Variants in OPCML observed in about 807,000 individuals in gnomAD.
The protein encoded by OPCML is opioid binding protein/cell adhesion molecule like.
Under a neutral mutation model 37.8 loss-of-function variants are expected in OPCML, and 13 were observed. The ratio of observed to expected loss-of-function variants is 0.34; its 90% CI spans 0.22 to 0.55. The LOEUF is 0.55. OPCML is among the 20% of genes least tolerant of loss of function. The probability of loss-of-function intolerance (pLI) is 0.91; values close to 1 mark genes in which losing one functional copy is unlikely to be tolerated. For synonymous variants in OPCML, 176 were observed against 168.8 expected (o/e 1.04, Z -0.33); for missense variants, 341 against 435.6 (o/e 0.78, Z 1.93).
Position 133,141,038 on chromosome 11 carries a change from ACG to A in OPCML, c.62-198030_62-198029del, listed in dbSNP as rs1565469140. ...GACGACGACGACGACGACGACGACG[ACG>A]ACGACGACGAAGAAGAAGAAGAAGA... On this transcript the variant is annotated intron_variant, in intron 1 of 7. Transcript: ENST00000524381. Among the ~76,000 whole-genome samples, 9 of 29,298 alleles carry A rather than the reference ACG, an allele frequency of 3.1e-4. 2 individuals carry two copies. Among genetic ancestry groups the A allele is most frequent in the Non-Finnish European group, 4.6e-4 (4 of 8,674 alleles). The allele number at this position is 29,298 out of a possible 152,430, so 19.2% of individuals were successfully genotyped here.
intron 2 of OPCML, among the ~76,000 whole-genome samples, chr11:132,672,317 T>A (rs1182126545): frequency 2.0e-5 from 3 of 152,172 alleles, no homozygotes; most frequent in Non-Finnish European, 4.4e-5. Context: ...AAAGAAATAC[T>A]TACATGTGCT....
At chr11:132,607,117 C>A (rs2137818087) in intron 3 of OPCML, among the ~76,000 whole-genome samples, 1 of 152,282 alleles carries the variant, frequency 6.6e-6, no homozygotes, top group East Asian at 1.9e-4. Flanking sequence ...CTTGAGTCAC[C>A]AGTAGGTGCC....
intron 4 of OPCML, among the ~76,000 whole-genome samples, chr11:132,451,818 A>C (rs933983636): frequency 2.0e-5 from 3 of 152,196 alleles, no homozygotes; most frequent in Non-Finnish European, 2.9e-5. Context: ...GTGTTCCATC[A>C]ATGTGCTGCA....
At chr11:133,450,898 T>C (rs1322071293) in intron 1 of OPCML, among the ~76,000 whole-genome samples, 2 of 151,756 alleles carry the variant, frequency 1.3e-5, no homozygotes, top group African/African-American at 2.4e-5. Flanking sequence ...GAATAGACAG[T>C]GTACATTCTG....
At chr11:132,525,687 T>C (rs1213275079) in intron 4 of OPCML, 1 of 143,140 alleles carries the variant, frequency 7.0e-6, no homozygotes, top group Non-Finnish European at 1.6e-5. Flanking sequence ...AAATACTTCA[T>C]GTTCCAGAGC....
intron 1 of OPCML, among the ~76,000 whole-genome samples, chr11:133,385,407 A>G (rs990284096): frequency 6.6e-6 from 1 of 152,224 alleles, no homozygotes; most frequent in Non-Finnish European, 1.5e-5. Flanking sequence ...AGCAAGGAAT[A>G]ACTAATGTAT....
At chr11:133,244,665 T>C (rs2136419057) in intron 1 of OPCML, among the ~76,000 whole-genome samples, 1 of 149,500 alleles carries the variant, frequency 6.7e-6, no homozygotes, top group Non-Finnish European at 1.5e-5. Flanking sequence ...GATCTGACAA[T>C]TTAAATGTGT....
At chr11:132,966,790 T>C (rs557492721) in intron 1 of OPCML, among the ~76,000 whole-genome samples, 38 of 152,142 alleles carry the variant, frequency 2.5e-4, no homozygotes, top group Non-Finnish European at 4.7e-4. Context: ...GACCCTTTTA[T>C]CATAGTAAAA....
intron 1 of OPCML, among the ~76,000 whole-genome samples, chr11:133,110,019 C>CT (rs973661117): frequency 2.6e-4 from 39 of 152,150 alleles, no homozygotes; most frequent in African/African-American, 8.9e-4. Context: ...TTCGACAGGA[C>CT]TTGGGTGAAG....
chr11:132,772,732 A>T (rs1946680065), intron 2 of OPCML: 4 of 152,302 alleles, frequency 2.6e-5, no homozygotes, highest in African/African-American at 9.6e-5. Flanking sequence ...TTTTCCAGAA[A>T]ATGACTCCAC....
chr11:133,429,061 C>T (rs1473852784), intron 1 of OPCML, among the ~76,000 whole-genome samples: 1 of 152,032 alleles, frequency 6.6e-6, no homozygotes, highest in African/African-American at 2.4e-5. Flanking sequence ...ATAAGAGTAA[C>T]ATAGTGGGTA....
intron 1 of OPCML, among the ~76,000 whole-genome samples, chr11:133,164,046 C>G (rs1950177912): frequency 6.6e-6 from 1 of 152,322 alleles, no homozygotes; most frequent in Non-Finnish European, 1.5e-5. Context: ...GCCATTCTGC[C>G]TATTTCACAA....
At chr11:133,235,796 G>A (rs779415280) in intron 1 of OPCML, among the ~76,000 whole-genome samples, 1 of 152,164 alleles carries the variant, frequency 6.6e-6, no homozygotes, top group African/African-American at 2.4e-5. Context: ...CAACAAATGG[G>A]TGGGGAGTCA....
chr11:133,080,732 A>G (rs1463277637), intron 1 of OPCML, among the ~76,000 whole-genome samples: 2 of 152,128 alleles, frequency 1.3e-5, no homozygotes, highest in African/African-American at 4.8e-5. Context: ...AATCAGTATA[A>G]AAGCTCTTGT....
At chr11:132,746,721 C>A (rs930500737) in intron 2 of OPCML, among the ~76,000 whole-genome samples, 7 of 152,168 alleles carry the variant, frequency 4.6e-5, no homozygotes, top group Non-Finnish European at 8.8e-5. Context: ...GATTTCATAA[C>A]GTAGCATCAC....
intron 1 of OPCML, among the ~76,000 whole-genome samples, chr11:132,955,946 C>T (rs1046958484): frequency 6.6e-6 from 1 of 152,142 alleles, no homozygotes; most frequent in Non-Finnish European, 1.5e-5. Context: ...TGCTGTATTA[C>T]CAGCACCCAG....
Position 133,480,952 on chromosome 11 carries a change from T to C in OPCML, c.61+51312A>G, listed in dbSNP as rs550308202. Among the ~76,000 whole-genome samples the C allele has an allele frequency of 2.0e-3, 306 of 152,344 alleles. 1 individual carries two copies. Among genetic ancestry groups the C allele is most frequent in the African/African-American group, 7.2e-3 (299 of 41,576 alleles). On this transcript the variant is annotated intron_variant, in intron 1 of 7. Transcript: ENST00000524381. Reference sequence around the variant, plus strand: ...CATGCTGGAATTATTTTCCACTTAATTACATGCCATGGCACCAAGAATGCA... The same window carrying C: ...CATGCTGGAATTATTTTCCACTTAACTACATGCCATGGCACCAAGAATGCA...
intron 2 of OPCML, among the ~76,000 whole-genome samples, chr11:132,688,168 G>GTT (rs113318678): frequency 6.9e-6 from 1 of 144,828 alleles, no homozygotes; most frequent in South Asian, 2.2e-4. Context: ...AGGAATCATG[G>GTT]TTTTTTTTTT....
rs1246411710 is a variant in OPCML, at chr11:133,173,375, G to A, written c.62-230365C>T. Among the ~76,000 whole-genome samples the A allele has an allele frequency of 6.6e-6, 1 of 152,138 alleles. No individual in the cohort carries two copies. Among genetic ancestry groups the A allele is most frequent in the Non-Finnish European group, 1.5e-5 (1 of 68,032 alleles). ...GTCTGAGACTCATAGAGAGGGTATC[G>A]ATAGGAGTACAGATCCCAGTATGTT... On this transcript the variant is annotated intron_variant, in intron 1 of 7. Coordinates refer to ENST00000524381, the MANE Select transcript of OPCML (RefSeq NM_001012393.5). This position sits in a 1 kb window ranked among gnomAD's most constrained non-coding sequence, Gnocchi z 7.8.
Sources: gnomAD v4.1 joint callset for allele counts (sites outside exome capture counted in the v4.1 genomes callset) on GRCh38, gnomAD v4.1.1 for gene constraint, Gnocchi (gnomAD v3.1) non-coding constraint, MANE v1.5 for transcripts, NCBI Gene and HGNC (gene_info 2026-07-23, HGNC 2026-07-21) for gene names.